Variants in PSAT1 observed in about 807,000 individuals in gnomAD.
PSAT1 encodes phosphoserine aminotransferase 1.
In PSAT1, 41 loss-of-function variants were observed where a neutral mutation model predicts 40.3. That is an observed-to-expected ratio of 1.02 (90% CI 0.79 to 1.32). PSAT1 has a LOEUF of 1.32. Ranked by LOEUF, PSAT1 falls within the 40% of genes most tolerant of loss-of-function variation. The probability of loss-of-function intolerance (pLI) is 0.00; values close to 1 mark genes in which losing one functional copy is unlikely to be tolerated. For synonymous variants in PSAT1, 147 were observed against 170.5 expected (o/e 0.86, Z 1.07); for missense variants, 406 against 455.8 (o/e 0.89, Z 0.99).
chr9:78,321,024 G>A (rs909247305), intron 7 of PSAT1, among the ~76,000 whole-genome samples: 1 of 151,894 alleles, frequency 6.6e-6, no homozygotes, highest in East Asian at 1.9e-4. Context: ...CCCCCGCCAC[G>A]CCTAGGTCCT....
chr9:78,308,597 T>C lies in PSAT1; in HGVS notation c.740+14T>C. ...TCCATGTTTCAGGTAACTCTGGGAGTCAGTCTTGTGGACCCAGGGAGGGGT... is the reference window on the plus strand; with the variant it reads ...TCCATGTTTCAGGTAACTCTGGGAGCCAGTCTTGTGGACCCAGGGAGGGGT... On this transcript the variant is annotated intron_variant, in intron 6 of 8. Transcript: ENST00000376588. 6.2e-7 allele frequency: 1 copy of C among 1,613,214 alleles called. No homozygotes were observed. The highest frequency in any genetic ancestry group is 8.5e-7 in the Non-Finnish European group (1 of 1,179,808).
intron 5 of PSAT1, 144 bp downstream of exon 5, chr9:78,306,630 C>T (rs1407445423): frequency 6.8e-6 from 7 of 1,032,538 alleles, no homozygotes; most frequent in Non-Finnish European, 1.1e-5. Flanking sequence ...GAGCAGGCTG[C>T]CAGGTGCGAA....
chr9:78,297,236 A>G lies in PSAT1; in HGVS notation c.26A>G (p.Asn9Ser). The part of the protein sequence containing the change: MDAPRQVV[N>S]FGPGPAKLPH... ...ATGGACGCCCCCAGGCAGGTGGTCA[A>G]CTTTGGGCCTGGTCCCGCCAAGCTG... Residue 9 changes from asparagine to serine, a missense_variant, in exon 1 of 9, where the codon AAC becomes AGC. Transcript: ENST00000376588. The G allele has an allele frequency of 6.2e-7, 1 of 1,602,504 alleles. No homozygotes were observed. The highest frequency in any genetic ancestry group is 8.5e-7 in the Non-Finnish European group (1 of 1,178,536).
intron 6 of PSAT1, among the ~76,000 whole-genome samples, chr9:78,317,133 A>G (rs1363547940): frequency 3.9e-5 from 6 of 152,216 alleles, no homozygotes; most frequent in African/African-American, 1.2e-4. Flanking sequence ...ATGTTTAGTG[A>G]AAAATCTGAT....
chr9:78,307,559 G>A (rs1260122976), intron 5 of PSAT1, among the ~76,000 whole-genome samples: 1 of 152,162 alleles, frequency 6.6e-6, no homozygotes, highest in African/African-American at 2.4e-5. Flanking sequence ...TTTCCTAAGG[G>A]TTTCATGGAG....
At chr9:78,298,236 C>G (rs1175968006) in intron 1 of PSAT1, 1 of 984,146 alleles carries the variant, frequency 1.0e-6, no homozygotes, top group Non-Finnish European at 1.2e-6. Context: ...TGCCTTGAGC[C>G]CATTGTCAGG....
chr9:78,298,990 G>A (rs1420504416), intron 1 of PSAT1, among the ~76,000 whole-genome samples: 2 of 151,598 alleles, frequency 1.3e-5, no homozygotes, highest in South Asian at 2.1e-4. Context: ...AAAATTAGTC[G>A]TGAGCTGGGT....
rs1259661382 is a variant in PSAT1, at chr9:78,308,414, T to C, written c.571T>C (p.Phe191Leu). 1 of 1,613,106 alleles carries C rather than the reference T, an allele frequency of 6.2e-7. No individual in the cohort carries two copies. The highest frequency in any genetic ancestry group is 8.5e-7 in the Non-Finnish European group (1 of 1,179,524). Residue 191 changes from phenylalanine to leucine, a missense_variant and splice_region_variant, in exon 6 of 9, where the codon TTT becomes CTT. Physicochemically the swap from Phe to Leu is conservative, Grantham distance 22. Coordinates refer to ENST00000376588, the MANE Select transcript of PSAT1 (RefSeq NM_058179.4). ...FLSKPVDVSK[F>L]GVIFAGAQKN... Reference sequence around the variant, plus strand: ...AGCAGCATGTCTTTCTCTTTTTAAGTTTGGTGTGATTTTTGCTGGTGCCCA... The same window carrying C: ...AGCAGCATGTCTTTCTCTTTTTAAGCTTGGTGTGATTTTTGCTGGTGCCCA...
intron 7 of PSAT1, among the ~76,000 whole-genome samples, chr9:78,321,601 G>A (rs1397349024): frequency 6.6e-6 from 1 of 151,716 alleles, no homozygotes; most frequent in East Asian, 1.9e-4. Context: ...CAGGTTGTTT[G>A]CTGGGGGTTT....
At chr9:78,321,854 A>C (rs1016401794) in intron 7 of PSAT1, among the ~76,000 whole-genome samples, 2 of 152,224 alleles carry the variant, frequency 1.3e-5, no homozygotes, top group Non-Finnish European at 2.9e-5. Flanking sequence ...CAATGGAGGT[A>C]ATGATACATA....
intron 7 of PSAT1, among the ~76,000 whole-genome samples, chr9:78,320,814 T>A (rs1828419241): frequency 6.6e-6 from 1 of 152,216 alleles, no homozygotes; most frequent in East Asian, 1.9e-4. Flanking sequence ...AGAACCTGAA[T>A]GTGAGTAAAA....
chr9:78,303,217 G>T (rs891992637), intron 3 of PSAT1, among the ~76,000 whole-genome samples: 2 of 152,192 alleles, frequency 1.3e-5, no homozygotes, highest in African/African-American at 4.8e-5. Flanking sequence ...CAAATTGCTT[G>T]ATAAAATGAT....
chr9:78,301,818 C>A (rs1828111376), intron 2 of PSAT1, 136 bp from the exon 3 acceptor site: 2 of 732,086 alleles, frequency 2.7e-6, no homozygotes, highest in African/African-American at 1.7e-5. Context: ...ACTAAGTGAG[C>A]CTTGGCCCAC....
intron 6 of PSAT1, among the ~76,000 whole-genome samples, chr9:78,314,991 G>A (rs1828319950): frequency 6.6e-6 from 1 of 150,842 alleles, no homozygotes; most frequent in African/African-American, 2.4e-5. Context: ...CTGTGTGGAG[G>A]TGGGGGGTGA....
intron 5 of PSAT1, among the ~76,000 whole-genome samples, chr9:78,307,027 A>T (rs1274352357): frequency 6.6e-6 from 1 of 152,236 alleles, no homozygotes; most frequent in East Asian, 1.9e-4. Context: ...TTGGGATAAA[A>T]TATAACAAAT....
chr9:78,303,284 T>C (rs972256801), intron 3 of PSAT1, among the ~76,000 whole-genome samples: 2 of 152,210 alleles, frequency 1.3e-5, no homozygotes, highest in Non-Finnish European at 2.9e-5. Context: ...CTAATTGCAA[T>C]GTGAATGTTC....
At chr9:78,320,577 G>C (rs1460451774) in intron 7 of PSAT1, among the ~76,000 whole-genome samples, 1 of 110,242 alleles carries the variant, frequency 9.1e-6, no homozygotes, top group Non-Finnish European at 1.8e-5. Flanking sequence ...CCACCTATCC[G>C]CCCATCTATC....
intron 7 of PSAT1, 146 bp from the exon 8 acceptor site, chr9:78,327,905 G>A (rs895335474): frequency 2.5e-6 from 2 of 801,674 alleles, no homozygotes; most frequent in Non-Finnish European, 4.1e-6. Context: ...AACAATAAAT[G>A]TGCTGGGGCA....
chr9:78,324,215 G>A (rs867377), intron 7 of PSAT1, among the ~76,000 whole-genome samples: 10,546 of 152,148 alleles, frequency 0.069, 471 homozygotes, highest in Middle Eastern at 0.12. Context: ...TTACGTGGTC[G>A]GTGAGCTGTT....
Sources: allele counts gnomAD v4.1 joint callset (sites outside exome capture counted in the v4.1 genomes callset), GRCh38; gene constraint gnomAD v4.1.1; transcripts MANE v1.5; gene names NCBI Gene and HGNC (gene_info 2026-07-23, HGNC 2026-07-21).